The following MUC5AC variants were observed in gnomAD, a reference collection of about 807,000 sequenced individuals.
MUC5AC encodes mucin 5AC, oligomeric mucus/gel-forming.
Under a neutral mutation model 169.7 loss-of-function variants are expected in MUC5AC, and 158 were observed. The ratio of observed to expected loss-of-function variants is 0.93; its 90% CI spans 0.82 to 1.06. The LOEUF is 1.06. Among genes scored for constraint, MUC5AC ranks in the 50% least tolerant of loss-of-function variants. The probability of loss-of-function intolerance (pLI) is 0.00; values close to 1 mark genes in which losing one functional copy is unlikely to be tolerated. For missense variants in MUC5AC, 4,359 were observed against 3,089.9 expected (o/e 1.41, Z -9.74); for synonymous variants, 1,975 against 1,237.0 (o/e 1.60, Z -12.52).
rs140811948 is a variant in MUC5AC at position 1,197,014 on chromosome 11, G to A, written c.15861+106G>A. On this transcript the variant is annotated intron_variant, in intron 40 of 48. Coordinates refer to ENST00000621226, the MANE Select transcript of MUC5AC (RefSeq NM_001304359.2). ...ATGGTCAGGTGGGGCTCAGGGGTCGGGGTGTCCTCTCTGTGTCAGAGGCCC... is the reference window on the plus strand; with the variant it reads ...ATGGTCAGGTGGGGCTCAGGGGTCGAGGTGTCCTCTCTGTGTCAGAGGCCC... The A allele has an allele frequency of 8.9e-4, 605 of 679,018 alleles. 6 individuals carry two copies. The African/African-American group carries it at 9.2e-3, about 10-fold the overall frequency. 42.1% of individuals were successfully genotyped at this position (679,018 alleles called of 1,614,324 possible). A position where few individuals can be genotyped will look rare whatever the true frequency, so the allele number is the denominator to read the frequency against.
In MUC5AC at chr11:1,158,009, G is replaced by T; in HGVS notation, c.10G>T (p.Gly4Cys). ...CCCCGCCGTCCACACAATGAGTGTTGGCCGGAGGAAGCTGGCCCTGCTCTG... is the reference window on the plus strand; with the variant it reads ...CCCCGCCGTCCACACAATGAGTGTTTGCCGGAGGAAGCTGGCCCTGCTCTG... MSV[G>C]RRKLALLWAL... Residue 4 changes from glycine (G) to cysteine (C), a missense_variant, in exon 1 of 49, where the codon GGC becomes TGC. Transcript: ENST00000621226. The T allele has an allele frequency of 6.2e-7, 1 of 1,601,218 alleles. No individual in the cohort carries two copies. The highest frequency in any genetic ancestry group is 8.5e-7 in the Non-Finnish European group (1 of 1,175,186).
intron 24 of MUC5AC, among the ~76,000 whole-genome samples, chr11:1,177,965 G>T (rs1384285904): frequency 2.6e-5 from 4 of 152,176 alleles, no homozygotes; most frequent in Non-Finnish European, 4.4e-5. Context: ...ATCTGCCGGG[G>T]TCCCCAGCGC....
chr11:1,162,460 C>T (rs1225499845), intron 4 of MUC5AC, 72 bp from the exon 5 acceptor site: 13 of 1,366,424 alleles, frequency 9.5e-6, no homozygotes, highest in African/African-American at 2.9e-5. Flanking sequence ...CATTTGCGAC[C>T]GCAGGCATCT....
In MUC5AC at chr11:1,186,276, G is replaced by A. The variant is rs1398287981; in HGVS notation, c.8131G>A (p.Ala2711Thr). The A allele has an allele frequency of 5.4e-6, 4 of 737,028 alleles. No individual in the cohort carries two copies. The highest frequency in any genetic ancestry group is 9.9e-6 in the Non-Finnish European group (4 of 404,286). The allele number at this position is 737,028 out of a possible 1,614,324, so 45.7% of individuals were successfully genotyped here. ...SPVPTTSTTS[A>T]PTTSTTSAPT... ...TGTTCCCACCACCAGCACAACCTCT[G>A]CTCCCACAACAAGCACAACCTCTGC... Residue 2711 changes from alanine (A) to threonine (T), a missense_variant, in exon 31 of 49, where the codon GCT (alanine) becomes ACT (threonine). Coordinates refer to ENST00000621226, the MANE Select transcript of MUC5AC (RefSeq NM_001304359.2).
intron 9 of MUC5AC, 54 bp downstream of exon 9, chr11:1,164,586 T>C: frequency 6.5e-7 from 1 of 1,548,242 alleles, no homozygotes; most frequent in Non-Finnish European, 8.7e-7. Context: ...ACTAGGGGGC[T>C]GTGCTCCCAT....
At chr11:1,171,508 T>C (rs1458256831) in intron 15 of MUC5AC, among the ~76,000 whole-genome samples, 1,938 of 34,958 alleles carry the variant, frequency 0.055, no homozygotes, top group Middle Eastern at 0.1. Context: ...CATTCACCCA[T>C]TCACCCACTC....
In MUC5AC at chr11:1,190,220, G is replaced by C. The variant is rs1432672705; in HGVS notation, c.12075G>C (p.Glu4025Asp). ...LGQVVQCSRE[E>D]GLVCRNQDQQ... ...AGGTGGTGCAGTGCAGCCGGGAAGA[G>C]GGCCTGGTGTGCCGGAACCAGGACC... The change falls in exon 31 of 49, where the codon GAG becomes GAC. Residue 4025 changes from glutamate (E) to aspartate (D), a missense_variant. By Grantham distance (45) the Glu-to-Asp change is conservative. Transcript: ENST00000621226. The C allele has an allele frequency of 2.7e-6, 2 of 751,934 alleles. No individual in the cohort carries two copies. The highest frequency in any genetic ancestry group is 4.9e-6 in the Non-Finnish European group (2 of 411,336). 46.6% of individuals were successfully genotyped at this position (751,934 alleles called of 1,614,324 possible). A position where few individuals can be genotyped will look rare whatever the true frequency, so the allele number is the denominator to read the frequency against.
chr11:1,162,916 C>G (rs753476967), intron 5 of MUC5AC, 39 bp from the exon 6 acceptor site: 2 of 1,577,072 alleles, frequency 1.3e-6, no homozygotes, highest in East Asian at 4.5e-5. Context: ...TCCATCTGCC[C>G]CTGGTGGGGA....
rs1345422153 is a variant in MUC5AC, at chr11:1,184,541, C to T, written c.6396C>T (p.Ser2132=). The T allele has an allele frequency of 4.6e-6, 3 of 648,672 alleles. No individual in the cohort carries two copies. The highest frequency in any genetic ancestry group is 2.5e-5 in the East Asian group (1 of 39,978). 40.2% of individuals were successfully genotyped at this position (648,672 alleles called of 1,614,324 possible). Residue 2132 remains serine (S), a synonymous_variant, in exon 31 of 49, where the codon TCC becomes TCT. Coordinates refer to ENST00000621226, the MANE Select transcript of MUC5AC (RefSeq NM_001304359.2). The stretch of plus-strand genomic sequence containing the variant: ...CGTGGTTCGACGTGGACTTCCCGTC[C>T]CCCGGACCCCATGGTGGAGACAAGG... ...WTTWFDVDFP[S]PGPHGGDKET...
In MUC5AC at chr11:1,176,651, G is replaced by A; in HGVS notation, c.2640G>A (p.Val880=). ...ACCGGGCCGGCCAGACCATCCGGGT[G>A]GGCTGCAACACCTGGTATGCCGGGG... ...ASYRAGQTIR[V]GCNTCTCDSR... The change falls in exon 21 of 49, where the codon GTG becomes GTA. Residue 880 remains valine (V), a synonymous_variant. Transcript: ENST00000621226. The A allele has an allele frequency of 2.5e-6, 1 of 398,696 alleles. No homozygotes were observed. The highest frequency in any genetic ancestry group is 4.4e-6 in the Non-Finnish European group (1 of 226,062). 24.7% of individuals were successfully genotyped at this position (398,696 alleles called of 1,614,324 possible).
At position 1,179,182 on chromosome 11, in the gene MUC5AC, G is replaced by A; in HGVS notation, c.3418G>A (p.Ala1140Thr). ...CTGCGAGTGCTTCTGCACGGCTGTG[G>A]CCGCCTACGCCCAGGCCTGCCATGA... The part of the protein sequence containing the change: ...GDCECFCTAV[A>T]AYAQACHEVG... Residue 1140 changes from alanine to threonine, a missense_variant, in exon 26 of 49, where the codon GCC (alanine) becomes ACC (threonine). Ala to Thr is a moderately conservative substitution (Grantham distance 58, BLOSUM62 0). Transcript: ENST00000621226. The A allele has an allele frequency of 1.5e-6, 1 of 681,654 alleles. No individual in the cohort carries two copies. 42.2% of individuals were successfully genotyped at this position (681,654 alleles called of 1,614,324 possible).
In MUC5AC at chr11:1,190,536, TCTGCCCCTACAACC is replaced by T; in HGVS notation, c.12392_12405del (p.Ser4131Ter). 1 of 668,960 alleles carries T rather than the reference TCTGCCCCTACAACC, an allele frequency of 1.5e-6. No individual in the cohort carries two copies. Among genetic ancestry groups the T allele is most frequent in the Non-Finnish European group, 2.8e-6 (1 of 360,624 alleles). 41.4% of individuals were successfully genotyped at this position (668,960 alleles called of 1,614,324 possible). On this transcript the variant is annotated frameshift_variant, in exon 31 of 49. Transcript: ENST00000621226. LOFTEE classifies it high-confidence loss of function. ...CTCTGCCCCTACAACCAGCACAACCTCTGCCCCTACAACCAGCACGACCTCAGCTCCTACACACA... is the reference window on the plus strand; with the variant it reads ...CTCTGCCCCTACAACCAGCACAACCTAGCACGACCTCAGCTCCTACACACA...
At chr11:1,165,227 G>A (rs994974575) in intron 9 of MUC5AC, 75 bp from the exon 10 acceptor site, 31 of 1,387,812 alleles carry the variant, frequency 2.2e-5, no homozygotes, top group African/African-American at 4.3e-5. Flanking sequence ...CTGTGGGGCC[G>A]CCATGTTGTT....
In MUC5AC at chr11:1,165,340, C is replaced by T. The variant is rs778726042; in HGVS notation, c.1168C>T (p.Pro390Ser). The T allele has an allele frequency of 6.2e-7, 1 of 1,612,380 alleles. No homozygotes were observed. Among genetic ancestry groups the T allele is most frequent in the South Asian group, 1.1e-5 (1 of 91,072 alleles). The change falls in exon 10 of 49, where the codon CCT (proline) becomes TCT (serine). Residue 390 changes from proline to serine, a missense_variant. Physicochemically the swap from Pro to Ser is moderately conservative, Grantham distance 74 (BLOSUM62 -1). Coordinates refer to ENST00000621226, the MANE Select transcript of MUC5AC (RefSeq NM_001304359.2). ...LDDIGQTGCV[P>S]VSKCACVYNG... Reference sequence around the variant, plus strand: ...CGACATCGGCCAGACCGGCTGTGTCCCTGTGTCAAAGTGTGCCTGCGTCTA... The same window carrying T: ...CGACATCGGCCAGACCGGCTGTGTCTCTGTGTCAAAGTGTGCCTGCGTCTA...
Position 1,177,341 on chromosome 11 carries a change from G to A in MUC5AC, c.2904G>A (p.Leu968=). ...TTCSKAIKIF[L]GGFELKLSHG... ...GCTCCAAGGCCATCAAGATTTTCCT[G>A]GGGGTGAGCGAGGCTGGGTGGTCGC... is the stretch of plus-strand genomic sequence containing the variant. The change falls in exon 23 of 49, where the codon CTG becomes CTA. Residue 968 remains leucine (L), a synonymous_variant. Transcript: ENST00000621226. 2.2e-6 allele frequency: 1 copy of A among 449,522 alleles called. No homozygotes were observed. Among genetic ancestry groups the A allele is most frequent in the Admixed American group, 3.4e-5 (1 of 29,780 alleles). 27.8% of individuals were successfully genotyped at this position (449,522 alleles called of 1,614,324 possible).
At chr11:1,174,698 G>A (rs2133741334) in intron 17 of MUC5AC, 76 bp downstream of exon 17, 3 of 623,186 alleles carry the variant, frequency 4.8e-6, no homozygotes. Flanking sequence ...GTGTGCACAG[G>A]TTGCTCTAAG....
In MUC5AC at chr11:1,161,938, C is replaced by T; in HGVS notation, c.243C>T (p.Cys81=). 6.2e-7 allele frequency: 1 copy of T among 1,611,866 alleles called. No individual in the cohort carries two copies. Among genetic ancestry groups the T allele is most frequent in the Admixed American group, 1.7e-5 (1 of 59,902 alleles). Residue 81 remains cysteine (C), a synonymous_variant, in exon 4 of 49, where the codon TGC becomes TGT. Transcript: ENST00000621226. The part of the protein sequence containing the change: ...ASNPAHNGRV[C]STWGSFHYKT... ...ACCCGGCGCACAACGGGCGGGTGTG[C>T]AGCACCTGGGGCAGCTTCCACTACA... is the stretch of plus-strand genomic sequence containing the variant.
chr11:1,181,980 G>C (rs1395517031), intron 30 of MUC5AC, among the ~76,000 whole-genome samples, 175 bp from the exon 31 acceptor site: 1 of 152,200 alleles, frequency 6.6e-6, no homozygotes, highest in African/African-American at 2.4e-5. Flanking sequence ...CAGTCGGTTC[G>C]CCTGGCTCTT....
chr11:1,186,478 C>A lies in MUC5AC; in HGVS notation c.8333C>A (p.Thr2778Asn), dbSNP rs1476692138. 1.4e-6 allele frequency: 1 copy of A among 696,162 alleles called. No individual in the cohort carries two copies. The highest frequency in any genetic ancestry group is 2.6e-6 in the Non-Finnish European group (1 of 381,432). 43.1% of individuals were successfully genotyped at this position (696,162 alleles called of 1,614,324 possible). Residue 2778 changes from threonine to asparagine, a missense_variant, in exon 31 of 49, where the codon ACC (threonine) becomes AAC (asparagine). Thr to Asn is a moderately conservative substitution (Grantham distance 65). Transcript: ENST00000621226. ...TTTSTTSATT[T>N]STISAPTTST... Reference sequence around the variant, plus strand: ...ACCAGCACAACCTCTGCTACTACAACCAGCACAATCTCTGCCCCTACAACC... The same window carrying A: ...ACCAGCACAACCTCTGCTACTACAAACAGCACAATCTCTGCCCCTACAACC...
Sources: allele counts gnomAD v4.1 joint callset (sites outside exome capture counted in the v4.1 genomes callset), GRCh38; gene constraint gnomAD v4.1.1; transcripts MANE v1.5; gene names NCBI Gene and HGNC (gene_info 2026-07-23, HGNC 2026-07-21).